The following MTUS2 variants were observed in gnomAD, a reference collection of about 807,000 sequenced individuals.
MTUS2 encodes microtubule associated scaffold protein 2.
A neutral mutation model predicts 114.1 loss-of-function variants in MTUS2; 40 were observed. That is an observed-to-expected ratio of 0.35 (90% CI 0.27 to 0.46). The LOEUF (loss-of-function observed/expected upper bound fraction) is 0.46. Among genes scored for constraint, MTUS2 ranks in the 20% least tolerant of loss-of-function variants. The pLI is 1.00. For missense variants in MTUS2, 1,679 were observed against 1,705.4 expected (o/e 0.98, Z 0.27); for synonymous variants, 688 against 672.0 (o/e 1.02, Z -0.37).
chr13:29,256,157 C>T (rs1158296114), intron 5 of MTUS2, among the ~76,000 whole-genome samples: 2 of 152,180 alleles, frequency 1.3e-5, no homozygotes, highest in African/African-American at 4.8e-5. Context: ...CATGATAAAT[C>T]AGACATGAAA....
intron 6 of MTUS2, chr13:29,306,849 C>T (rs1286769305): frequency 2.7e-5 from 13 of 475,220 alleles, no homozygotes; most frequent in Non-Finnish European, 3.4e-5. Context: ...CTGCTTTTAA[C>T]TCTGCTAAAG....
chr13:28,854,476 G>C lies in MTUS2; in HGVS notation c.-243+14626G>C, dbSNP rs1019191873. Among the ~76,000 whole-genome samples the C allele has an allele frequency of 2.0e-5, 3 of 152,136 alleles. No homozygotes were observed. The South Asian group carries it at 6.2e-4, about 32-fold the overall frequency. On this transcript the variant is annotated intron_variant, in intron 2 of 15. Transcript: ENST00000612955. ...GTTGTCTGAATGTGAAGCCCTCTCA[G>C]GAACCACCGTTCAGTTTTGCCTTTT...
At chr13:28,894,135 A>G (rs1162118327) in intron 2 of MTUS2, among the ~76,000 whole-genome samples, 1 of 151,206 alleles carries the variant, frequency 6.6e-6, no homozygotes, top group Non-Finnish European at 1.5e-5. Context: ...CCTTCACCCT[A>G]CAATTCATAT....
At chr13:28,888,419 CTT>C (rs11447851) in intron 2 of MTUS2, among the ~76,000 whole-genome samples, 11 of 135,758 alleles carry the variant, frequency 8.1e-5, no homozygotes, top group Admixed American at 1.5e-4. Flanking sequence ...CTCTTGGCAT[CTT>C]TTTTTTTTTT....
At chr13:28,849,669 C>CT (rs1737751230) in intron 2 of MTUS2, among the ~76,000 whole-genome samples, 1 of 152,078 alleles carries the variant, frequency 6.6e-6, no homozygotes, top group South Asian at 2.1e-4. Flanking sequence ...AAGCCAAGTG[C>CT]TTGACTTCCC....
intron 8 of MTUS2, among the ~76,000 whole-genome samples, chr13:29,381,335 T>C (rs576374264): frequency 1.3e-5 from 2 of 152,322 alleles, no homozygotes; most frequent in South Asian, 2.1e-4. Context: ...AGGTTTGATA[T>C]TGTGTAAAAT....
At position 29,452,558 on chromosome 13, in the gene MTUS2, GTA is replaced by G. The variant is rs140653029; in HGVS notation, c.3184+12525_3184+12526del. ...GGTGTATGCTACTACACCCAACTGT[GTA>G]TATATATATATATATGTGTGTGTGT... On this transcript the variant is annotated intron_variant, in intron 9 of 15. Transcript: ENST00000612955. Among the ~76,000 whole-genome samples the G allele has an allele frequency of 2.2e-3, 268 of 120,162 alleles. 1 individual carries two copies. Among genetic ancestry groups the G allele is most frequent in the African/African-American group, 7.1e-3 (214 of 30,066 alleles). The allele number at this position is 120,162 out of a possible 152,430, so 78.8% of individuals were successfully genotyped here.
rs34068964 is a variant in MTUS2 at position 29,337,955 on chromosome 13, A to ATTTTT, written c.2905+13254_2905+13258dup. Among the ~76,000 whole-genome samples, 117 of 143,444 alleles carry ATTTTT rather than the reference A, an allele frequency of 8.2e-4. 4 individuals are homozygous for ATTTTT. Among genetic ancestry groups the ATTTTT allele is most frequent in the Middle Eastern group, 3.6e-3 (1 of 280 alleles). 94.1% of individuals were successfully genotyped at this position (143,444 alleles called of 152,430 possible). On this transcript the variant is annotated intron_variant, in intron 7 of 15. Transcript: ENST00000612955. The stretch of plus-strand genomic sequence containing the variant: ...AGGTGTGTGTCACTATGCCCTGCTA[A>ATTTTT]TTTTTTTTTTTTTTAGTAGAGACAG...
chr13:29,305,982 A>G (rs975794274), intron 6 of MTUS2, among the ~76,000 whole-genome samples: 1 of 152,234 alleles, frequency 6.6e-6, no homozygotes, highest in African/African-American at 2.4e-5. Context: ...TTGGTTCAAC[A>G]TATGCAAATC....
At position 29,116,551 on chromosome 13, in the gene MTUS2, C is replaced by G. The variant is rs183897901; in HGVS notation, c.2644+15581C>G. On this transcript the variant is annotated intron_variant, in intron 5 of 15. Coordinates refer to ENST00000612955, the MANE Select transcript of MTUS2 (RefSeq NM_001033602.4). ...TTTCCTATACATACATACCTAGGAT[C>G]AAGTATGACTTACAAATTAGACACA... 3.3e-5 allele frequency among the ~76,000 whole-genome samples: 5 copies of G among 152,206 alleles called. No homozygotes were observed. The East Asian group carries it at 7.7e-4, about 24-fold the overall frequency.
intron 4 of MTUS2, among the ~76,000 whole-genome samples, chr13:29,096,286 CT>C (rs1246357800): frequency 1.3e-5 from 2 of 152,226 alleles, no homozygotes; most frequent in South Asian, 2.1e-4. Context: ...TCTCCCGGAT[CT>C]GTGTTACATT....
chr13:28,838,909 C>T (rs1331894584), intron 1 of MTUS2, among the ~76,000 whole-genome samples: 1 of 152,128 alleles, frequency 6.6e-6, no homozygotes, highest in East Asian at 1.9e-4. Flanking sequence ...TACTCATACC[C>T]AAACCATTGT....
chr13:28,871,662 C>T (rs929175603), intron 2 of MTUS2, among the ~76,000 whole-genome samples: 2 of 152,130 alleles, frequency 1.3e-5, no homozygotes, highest in African/African-American at 4.8e-5. Flanking sequence ...AGGAGTCAAT[C>T]GTTAACAAAT....
intron 1 of MTUS2, among the ~76,000 whole-genome samples, chr13:28,821,360 G>A (rs867587994): frequency 2.1e-4 from 32 of 152,142 alleles, no homozygotes; most frequent in African/African-American, 7.2e-4. Context: ...TTAGGAATTG[G>A]TGAGAATTCT....
intron 11 of MTUS2, among the ~76,000 whole-genome samples, chr13:29,490,474 T>C (rs1452252138): frequency 6.6e-6 from 1 of 152,268 alleles, no homozygotes; most frequent in Non-Finnish European, 1.5e-5. Context: ...ACCCAGCTAA[T>C]AAGACTCTTC....
At chr13:28,895,141 C>T (rs773277279) in intron 2 of MTUS2, among the ~76,000 whole-genome samples, 4 of 152,170 alleles carry the variant, frequency 2.6e-5, no homozygotes, top group Admixed American at 1.3e-4. Flanking sequence ...GAAGGGGAAG[C>T]TCGTATCTAT....
chr13:29,224,021 C>T (rs573772680), intron 5 of MTUS2, among the ~76,000 whole-genome samples: 40 of 152,350 alleles, frequency 2.6e-4, no homozygotes, highest in African/African-American at 9.4e-4. Flanking sequence ...CTGGACCCCA[C>T]ACTCTCTCAC....
intron 4 of MTUS2, among the ~76,000 whole-genome samples, chr13:29,075,275 A>G (rs1027773206): frequency 2.3e-5 from 2 of 86,478 alleles, no homozygotes; most frequent in African/African-American, 4.4e-5. Flanking sequence ...ATCCCAGAGC[A>G]GCTCTGAACA....
At chr13:29,059,907 A>C (rs1888329847) in intron 4 of MTUS2, among the ~76,000 whole-genome samples, 1 of 152,204 alleles carries the variant, frequency 6.6e-6, no homozygotes, top group Admixed American at 6.5e-5. Flanking sequence ...GAACAACAGG[A>C]GGGCTGTGCC....
Sources: gnomAD v4.1 joint callset for allele counts (sites outside exome capture counted in the v4.1 genomes callset) on GRCh38, gnomAD v4.1.1 for gene constraint, MANE v1.5 for transcripts, NCBI Gene and HGNC (gene_info 2026-07-23, HGNC 2026-07-21) for gene names.